Variants in COP1 observed in about 807,000 individuals in gnomAD.
COP1 encodes the protein COP1 E3 ubiquitin ligase.
Under a neutral mutation model 101.3 loss-of-function variants are expected in COP1, and 24 were observed. That is an observed-to-expected ratio of 0.24 (90% CI 0.17 to 0.33). The LOEUF is 0.33. Ranked by LOEUF, COP1 falls within the 10% of genes least tolerant of loss-of-function variation. The probability of loss-of-function intolerance (pLI) is 1.00; values close to 1 mark genes in which losing one functional copy is unlikely to be tolerated. For missense variants in COP1, 663 were observed against 906.2 expected, an observed-to-expected ratio of 0.73 and a Z score of 3.45; for synonymous variants, 347 against 341.9, an observed-to-expected ratio of 1.01 and a Z score of -0.17.
At chr1:176,002,783 T>C (rs1662053216) in intron 15 of COP1, among the ~76,000 whole-genome samples, 1 of 150,242 alleles carries the variant, frequency 6.7e-6, no homozygotes, top group African/African-American at 2.4e-5. Context: ...TGGTTCCAAG[T>C]CTTTGCTATT....
Position 176,163,910 on chromosome 1 carries a change from T to C in COP1, c.566-19A>G, listed in dbSNP as rs1558237562. 2 of 1,518,206 alleles carry C rather than the reference T, an allele frequency of 1.3e-6. No homozygotes were observed. The highest frequency in any genetic ancestry group is 1.8e-6 in the Non-Finnish European group (2 of 1,105,238). The allele number at this position is 1,518,206 out of a possible 1,614,324, so 94.0% of individuals were successfully genotyped here. On this transcript the variant is annotated intron_variant, in intron 3 of 19. Coordinates refer to ENST00000367669, the MANE Select transcript of COP1 (RefSeq NM_022457.7). ...TCATTCACTGAAAACAGAAACAAAA[T>C]AAAAAGCACACATAATTTGTATTTT...
intron 19 of COP1, 90 bp downstream of exon 19, chr1:175,947,105 T>C: frequency 2.2e-6 from 2 of 901,570 alleles, no homozygotes; most frequent in South Asian, 2.8e-5. Context: ...GGATGATCTC[T>C]AAGGCTCAGT....
chr1:176,135,154 A>T, intron 7 of COP1, 68 bp from the exon 8 acceptor site: 1 of 1,070,758 alleles, frequency 9.3e-7, no homozygotes, highest in Non-Finnish European at 1.4e-6. Flanking sequence ...AAAAAGAGGC[A>T]TGATATATTC....
intron 11 of COP1, among the ~76,000 whole-genome samples, chr1:176,079,418 A>G (rs1678679050): frequency 6.6e-6 from 1 of 152,160 alleles, no homozygotes. Context: ...TGTAAGTGGG[A>G]GCTAAACACT....
At chr1:176,037,951 G>A (rs1346099315) in intron 14 of COP1, among the ~76,000 whole-genome samples, 1 of 152,106 alleles carries the variant, frequency 6.6e-6, no homozygotes, top group African/African-American at 2.4e-5. Context: ...AAAAAGCAAG[G>A]CAGGAACGGG....
At chr1:175,953,892 GT>G (rs1650277721) in intron 18 of COP1, among the ~76,000 whole-genome samples, 1 of 151,724 alleles carries the variant, frequency 6.6e-6, no homozygotes, top group Non-Finnish European at 1.5e-5. Flanking sequence ...CAAAGACTAA[GT>G]AGAGAGAAAA....
chr1:176,204,949 T>TA (rs993401616), intron 1 of COP1, among the ~76,000 whole-genome samples: 3 of 151,914 alleles, frequency 2.0e-5, no homozygotes, highest in Non-Finnish European at 4.4e-5. Context: ...TTTACTCTTT[T>TA]AAAAAAAGAG....
intron 8 of COP1, among the ~76,000 whole-genome samples, chr1:176,124,696 A>G (rs551750852): frequency 5.9e-5 from 9 of 152,290 alleles, no homozygotes; most frequent in Non-Finnish European, 7.4e-5. Context: ...TTACTTCCAA[A>G]TCTTGGCTAT....
intron 11 of COP1, among the ~76,000 whole-genome samples, chr1:176,054,606 C>T (rs1042964258): frequency 4.6e-5 from 7 of 152,066 alleles, no homozygotes; most frequent in Non-Finnish European, 7.3e-5. Flanking sequence ...CTTGTCATTC[C>T]GAACGATGTG....
chr1:175,981,147 A>G (rs932116236), intron 18 of COP1, among the ~76,000 whole-genome samples: 3 of 152,080 alleles, frequency 2.0e-5, no homozygotes, highest in Non-Finnish European at 4.4e-5. Context: ...ATATCCTCTA[A>G]GGTTTTCTTT....
At chr1:175,979,810 G>A (rs1462879248) in intron 18 of COP1, among the ~76,000 whole-genome samples, 1 of 151,958 alleles carries the variant, frequency 6.6e-6, no homozygotes, top group East Asian at 1.9e-4. Flanking sequence ...GATATTAGAA[G>A]TATCTCCCAA....
At chr1:176,164,436 T>G (rs1279411405) in intron 3 of COP1, among the ~76,000 whole-genome samples, 3 of 152,192 alleles carry the variant, frequency 2.0e-5, no homozygotes, top group Admixed American at 2.0e-4. Flanking sequence ...CCCAACCCCA[T>G]GTATTACTTT....
rs540718138 is a variant in COP1 at position 176,166,043 on chromosome 1, G to T, written c.566-2152C>A. ...CAAAATCTTATATACCATTATATTT[G>T]ATTCTCAATAACAATACTGTAAGAT... is the stretch of plus-strand genomic sequence containing the variant. On this transcript the variant is annotated intron_variant, in intron 3 of 19. Transcript: ENST00000367669. Among the ~76,000 whole-genome samples, 5 of 152,254 alleles carry T rather than the reference G, an allele frequency of 3.3e-5. No homozygotes were observed. In the East Asian group the frequency reaches 9.6e-4, roughly 29 times the overall value.
chr1:176,002,111 G>A (rs1052194814), intron 15 of COP1, among the ~76,000 whole-genome samples: 2 of 152,014 alleles, frequency 1.3e-5, no homozygotes, highest in African/African-American at 4.8e-5. Flanking sequence ...CTTTTTGGAT[G>A]TGTGGATTGA....
chr1:175,959,381 G>A (rs570581022), intron 18 of COP1, among the ~76,000 whole-genome samples: 1 of 151,932 alleles, frequency 6.6e-6, no homozygotes, highest in African/African-American at 2.4e-5. Flanking sequence ...CTTTCCCTTT[G>A]GTGAGGAACA....
rs545614295 is a variant in COP1, at chr1:175,988,477, A to G, written c.1848-65T>C. ...TCTTGGCACGAAACTCATCACTACTAATTAGAGGCAATGCAGTTTGCTGGT... is the reference window on the plus strand; with the variant it reads ...TCTTGGCACGAAACTCATCACTACTGATTAGAGGCAATGCAGTTTGCTGGT... On this transcript the variant is annotated intron_variant, in intron 16 of 19. Transcript: ENST00000367669. 4 of 1,412,722 alleles carry G rather than the reference A, an allele frequency of 2.8e-6. No homozygotes were observed. In the African/African-American group the frequency reaches 4.3e-5, roughly 15 times the overall value. The allele number at this position is 1,412,722 out of a possible 1,614,324, so 87.5% of individuals were successfully genotyped here. A position where few individuals can be genotyped will look rare whatever the true frequency, so the allele number is the denominator to read the frequency against.
At chr1:176,130,392 T>C (rs1258349672) in intron 8 of COP1, among the ~76,000 whole-genome samples, 1 of 151,722 alleles carries the variant, frequency 6.6e-6, no homozygotes, top group Non-Finnish European at 1.5e-5. Flanking sequence ...CACACAACTA[T>C]GCAACAATAA....
intron 9 of COP1, among the ~76,000 whole-genome samples, chr1:176,108,605 T>C (rs1293405397): frequency 6.6e-6 from 1 of 152,094 alleles, no homozygotes; most frequent in Non-Finnish European, 1.5e-5. Flanking sequence ...CATACACTCA[T>C]TGCAAGTAAT....
At chr1:176,050,544 G>C (rs1241119258) in intron 11 of COP1, among the ~76,000 whole-genome samples, 1 of 152,168 alleles carries the variant, frequency 6.6e-6, no homozygotes. Flanking sequence ...ATGATAGTGT[G>C]CCTCAAGAGC....
Sources: allele counts gnomAD v4.1 joint callset (sites outside exome capture counted in the v4.1 genomes callset), GRCh38; gene constraint gnomAD v4.1.1; transcripts MANE v1.5; gene names NCBI Gene and HGNC (gene_info 2026-07-23, HGNC 2026-07-21).